ZC3H7B: variants seen among roughly 807,000 people sequenced by gnomAD.
The protein encoded by ZC3H7B is zinc finger CCCH domain-containing protein 7B.
A neutral mutation model predicts 116.0 loss-of-function variants in ZC3H7B; 35 were observed. The ratio of observed to expected loss-of-function variants is 0.30; its 90% confidence interval spans 0.23 to 0.40. The LOEUF is 0.40. Among genes scored for constraint, ZC3H7B ranks in the 10% least tolerant of loss-of-function variants. The pLI is 1.00. For synonymous variants in ZC3H7B, 502 were observed against 545.6 expected, an observed-to-expected ratio of 0.92 and a Z score of 1.11; for missense variants, 1,011 against 1,321.5, an observed-to-expected ratio of 0.77 and a Z score of 3.64.
intron 17 of ZC3H7B, among the ~76,000 whole-genome samples, chr22:41,354,015 G>C (rs1340535793): frequency 6.6e-6 from 1 of 152,188 alleles, no homozygotes; most frequent in Non-Finnish European, 1.5e-5. Flanking sequence ...AGGATCCCTT[G>C]AGGCCAGGAG....
intron 1 of ZC3H7B, among the ~76,000 whole-genome samples, chr22:41,312,668 G>C (rs763913538): frequency 1.3e-5 from 2 of 152,062 alleles, no homozygotes; most frequent in African/African-American, 2.4e-5. Context: ...AGCACTCTGG[G>C]AGGCTGAGGT....
At position 41,342,612 on chromosome 22, in the gene ZC3H7B, C is replaced by T. The variant is rs758437400; in HGVS notation, c.1281C>T (p.Leu427=). The T allele has an allele frequency of 1.1e-5, 17 of 1,612,462 alleles. No individual in the cohort carries two copies. Among genetic ancestry groups the T allele is most frequent in the Non-Finnish European group, 1.4e-5 (16 of 1,179,828 alleles). The part of the protein sequence containing the change: ...ATHEFKQACQ[L]CYPKTGPRAG... ...ACGAGTTCAAGCAGGCCTGCCAGCT[C>T]TGCTACCCCAAGACAGGTAAACTTT... is the stretch of plus-strand genomic sequence containing the variant. The change falls in exon 12 of 23, where the codon CTC becomes CTT. Residue 427 remains leucine, a synonymous_variant. Coordinates refer to ENST00000352645, the MANE Select transcript of ZC3H7B (RefSeq NM_017590.6).
chr22:41,327,862 G>T lies in ZC3H7B; in HGVS notation c.444+498G>T, dbSNP rs532232080. 1.8e-4 allele frequency among the ~76,000 whole-genome samples: 28 copies of T among 152,340 alleles called. No homozygotes were observed. The South Asian group carries it at 5.6e-3, about 30-fold the overall frequency. ...TTCTTGGCCAGACACAGTGGCTCATGCCTGTAATCCCAGCACTGTGGGAGG... is the reference window on the plus strand; with the variant it reads ...TTCTTGGCCAGACACAGTGGCTCATTCCTGTAATCCCAGCACTGTGGGAGG... On this transcript the variant is annotated intron_variant, in intron 5 of 22. Coordinates refer to ENST00000352645, the MANE Select transcript of ZC3H7B (RefSeq NM_017590.6). The surrounding 1 kb of genome is among the most constrained non-coding windows in gnomAD (Gnocchi z 4.5).
At chr22:41,355,373 T>C (rs896247037) in intron 17 of ZC3H7B, 96 bp from the exon 18 acceptor site, 124 of 1,527,068 alleles carry the variant, frequency 8.1e-5, no homozygotes, top group Non-Finnish European at 1.1e-4. Context: ...GACCAGCTTA[T>C]TCCAAGGCTC....
intron 1 of ZC3H7B, among the ~76,000 whole-genome samples, chr22:41,319,786 T>TG (rs1009230646): frequency 6.6e-6 from 1 of 152,138 alleles, no homozygotes; most frequent in Non-Finnish European, 1.5e-5. Context: ...CCTAGCACTC[T>TG]GGGGGGCCAA....
chr22:41,351,642 G>T lies in ZC3H7B; in HGVS notation c.2030G>T (p.Ser677Ile). 1.9e-6 allele frequency: 3 copies of T among 1,613,658 alleles called. No homozygotes were observed. The highest frequency in any genetic ancestry group is 2.5e-6 in the Non-Finnish European group (3 of 1,179,822). Reference protein sequence around the residue: ...MEAHAGKASSSMGAPRTHGPS... With the variant: ...MEAHAGKASSIMGAPRTHGPS... ...GCGCATGCGGGGAAGGCCAGCAGCA[G>T]CATGGTAAGGCCTTCTGATACTATG... Residue 677 changes from serine to isoleucine, a missense_variant, in exon 17 of 23, where the codon AGC (serine) becomes ATC (isoleucine). Around this residue, in one of 5 missense-constraint regions of ZC3H7B, gnomAD observed 406 missense variants for 590.2 expected, o/e 0.69. Coordinates refer to ENST00000352645, the MANE Select transcript of ZC3H7B (RefSeq NM_017590.6). This position sits in a 1 kb window ranked among gnomAD's most constrained non-coding sequence, Gnocchi z 5.1.
chr22:41,351,500 C>A lies in ZC3H7B; in HGVS notation c.1949-61C>A. 6.6e-7 allele frequency: 1 copy of A among 1,516,352 alleles called. No homozygotes were observed. Among genetic ancestry groups the A allele is most frequent in the South Asian group, 1.2e-5 (1 of 82,450 alleles). 93.9% of individuals were successfully genotyped at this position (1,516,352 alleles called of 1,614,324 possible). A position where few individuals can be genotyped will look rare whatever the true frequency, so the allele number is the denominator to read the frequency against. On this transcript the variant is annotated intron_variant, in intron 16 of 22. Transcript: ENST00000352645. This position sits in a 1 kb window ranked among gnomAD's most constrained non-coding sequence, Gnocchi z 5.1. ...GGGGTCCCTGGCACCTCGTGGACCC[C>A]CTGCCTCCCTCCTTGCTGAGCACCT...
chr22:41,305,035 A>C (rs1474486865), intron 1 of ZC3H7B, among the ~76,000 whole-genome samples: 1 of 152,142 alleles, frequency 6.6e-6, no homozygotes, highest in African/African-American at 2.4e-5. Flanking sequence ...AACATGGTGA[A>C]ACCCAGTCTC....
intron 9 of ZC3H7B, among the ~76,000 whole-genome samples, chr22:41,339,544 T>A (rs2036490736): frequency 6.6e-6 from 1 of 151,194 alleles, no homozygotes; most frequent in African/African-American, 2.4e-5. Flanking sequence ...GAGAATCGCT[T>A]GAACCCGGGA....
intron 5 of ZC3H7B, among the ~76,000 whole-genome samples, chr22:41,329,031 C>CAAAAAAAAAAAAAA: frequency 2.5e-5 from 1 of 40,486 alleles, no homozygotes; most frequent in Non-Finnish European, 5.5e-5. Flanking sequence ...TACTAAAATA[C>CAAAAAAAAAAAAAA]AAAAAAAAAA....
chr22:41,335,563 CCT>C (rs1343882683), intron 7 of ZC3H7B: 1 of 152,180 alleles, frequency 6.6e-6, no homozygotes, highest in Non-Finnish European at 1.5e-5. Context: ...TCATCTGGTA[CCT>C]CTCTTTCCCT....
chr22:41,303,481 C>T (rs1018376214), intron 1 of ZC3H7B, among the ~76,000 whole-genome samples: 1 of 152,174 alleles, frequency 6.6e-6, no homozygotes, highest in Non-Finnish European at 1.5e-5. Flanking sequence ...GATAGAGAAT[C>T]TGAAAATAAT....
At chr22:41,304,569 G>A (rs2036016162) in intron 1 of ZC3H7B, among the ~76,000 whole-genome samples, 2 of 152,174 alleles carry the variant, frequency 1.3e-5, no homozygotes, top group Admixed American at 6.5e-5. Context: ...AAGAATTCTG[G>A]GGTCAGTGCA....
In ZC3H7B at chr22:41,348,180, C is replaced by T; in HGVS notation, c.1766+13C>T. On this transcript the variant is annotated intron_variant, in intron 15 of 22. Transcript: ENST00000352645. The stretch of plus-strand genomic sequence containing the variant: ...TCTACAACAACAAGTGAGTGGGACC[C>T]TCAGCCCAGGCTGAGGCCTAGGGGC... The T allele has an allele frequency of 6.2e-7, 1 of 1,612,608 alleles. No homozygotes were observed. The highest frequency in any genetic ancestry group is 8.5e-7 in the Non-Finnish European group (1 of 1,178,920).
At position 41,356,491 on chromosome 22, in the gene ZC3H7B, C is replaced by G. The variant is rs568281516; in HGVS notation, c.2517+15C>G. ...CGGACATCATGGTAACGCCTCCGCC[C>G]TGCATGCTCGGGGCTGCGGTCGGGG... On this transcript the variant is annotated intron_variant, in intron 21 of 22. Coordinates refer to ENST00000352645, the MANE Select transcript of ZC3H7B (RefSeq NM_017590.6). 6.2e-7 allele frequency: 1 copy of G among 1,613,794 alleles called. No individual in the cohort carries two copies. The highest frequency in any genetic ancestry group is 1.3e-5 in the African/African-American group (1 of 75,070).
intron 1 of ZC3H7B, among the ~76,000 whole-genome samples, chr22:41,315,942 A>G (rs1034703234): frequency 6.6e-6 from 1 of 152,096 alleles, no homozygotes; most frequent in Non-Finnish European, 1.5e-5. Flanking sequence ...ATCCCCCCAA[A>G]TTCACGACCT....
chr22:41,311,225 G>A (rs1270883078), intron 1 of ZC3H7B, among the ~76,000 whole-genome samples: 1 of 151,924 alleles, frequency 6.6e-6, no homozygotes, highest in Non-Finnish European at 1.5e-5. Flanking sequence ...TTGGAAACTT[G>A]GCAAGAGATG....
At chr22:41,355,660 T>C in intron 18 of ZC3H7B, 58 bp downstream of exon 18, 1 of 1,612,060 alleles carries the variant, frequency 6.2e-7, no homozygotes, top group Non-Finnish European at 8.5e-7. Flanking sequence ...CCACCACAGG[T>C]GTGGAGGCCA....
chr22:41,353,453 T>G (rs1438080484), intron 17 of ZC3H7B, among the ~76,000 whole-genome samples: 2 of 152,224 alleles, frequency 1.3e-5, no homozygotes, highest in Non-Finnish European at 2.9e-5. Flanking sequence ...CAACCTAAGC[T>G]GCCCTGTGCT....
Sources: gnomAD v4.1 joint callset for allele counts (sites outside exome capture counted in the v4.1 genomes callset) on GRCh38, gnomAD v4.1.1 for gene constraint, gnomAD v4.1.1 regional missense constraint, Gnocchi (gnomAD v3.1) non-coding constraint, MANE v1.5 for transcripts, NCBI Gene and HGNC (gene_info 2026-07-23, HGNC 2026-07-21) for gene names.